LRRC4C: variants seen among roughly 807,000 people sequenced by gnomAD.
LRRC4C encodes the protein leucine rich repeat containing 4C.
Under a neutral mutation model 33.6 loss-of-function variants are expected in LRRC4C, and 5 were observed. The ratio of observed to expected loss-of-function variants is 0.15; its 90% CI spans 0.08 to 0.31. The LOEUF is 0.31. Among genes scored for constraint, LRRC4C ranks in the 10% least tolerant of loss-of-function variants. The probability of loss-of-function intolerance (pLI) is 1.00; values close to 1 mark genes in which losing one functional copy is unlikely to be tolerated. For synonymous variants in LRRC4C, 329 were observed against 302.0 expected, an observed-to-expected ratio of 1.09 and a Z score of -0.93; for missense variants, 560 against 796.7, an observed-to-expected ratio of 0.70 and a Z score of 3.58.
chr11:40,745,738 A>C (rs1948385394), intron 2 of LRRC4C, among the ~76,000 whole-genome samples: 1 of 152,196 alleles, frequency 6.6e-6, no homozygotes. Context: ...AATATTAACC[A>C]CATTTAAATT....
In LRRC4C at chr11:40,486,309, C is replaced by T. The variant is rs78324880; in HGVS notation, c.-270+161833G>A. ...ACAAAAATCAAGCCTTTAGTCCAAACTTATAGGGGAAAAAGTTAAAACATT... is the reference window on the plus strand; with the variant it reads ...ACAAAAATCAAGCCTTTAGTCCAAATTTATAGGGGAAAAAGTTAAAACATT... On this transcript the variant is annotated intron_variant, in intron 3 of 6. Transcript: ENST00000528697. 2.9e-3 allele frequency among the ~76,000 whole-genome samples: 445 copies of T among 151,836 alleles called. 1 individual carries two copies. Among genetic ancestry groups the T allele is most frequent in the African/African-American group, 0.01 (428 of 41,440 alleles).
At chr11:40,268,529 T>C (rs1942452549) in intron 4 of LRRC4C, among the ~76,000 whole-genome samples, 1 of 152,228 alleles carries the variant, frequency 6.6e-6, no homozygotes, top group East Asian at 1.9e-4. Context: ...AATGGTACTG[T>C]ATATTTAAAA....
At chr11:40,275,562 G>T (rs570009748) in intron 4 of LRRC4C, among the ~76,000 whole-genome samples, 1 of 152,178 alleles carries the variant, frequency 6.6e-6, no homozygotes, top group East Asian at 1.9e-4. Flanking sequence ...GAAACCTTGA[G>T]CTCTAAATTA....
At chr11:40,633,385 T>C (rs200085724) in intron 3 of LRRC4C, among the ~76,000 whole-genome samples, 48 of 96,142 alleles carry the variant, frequency 5.0e-4, no homozygotes, top group Admixed American at 7.7e-4. Context: ...CTCTCTTTCT[T>C]TCTTTCTTTC....
intron 1 of LRRC4C, among the ~76,000 whole-genome samples, chr11:41,343,366 G>GAAAAA (rs1951699340): frequency 6.6e-6 from 1 of 151,502 alleles, no homozygotes; most frequent in Admixed American, 6.6e-5. Flanking sequence ...TGATTAAAGA[G>GAAAAA]AAAACAAAAC....
rs147673009 is a variant in LRRC4C at position 40,512,418 on chromosome 11, C to T, written c.-270+135724G>A. On this transcript the variant is annotated intron_variant, in intron 3 of 6. Transcript: ENST00000528697. ...ACAAATGAAAAAACCAAAACCAAAA[C>T]AAAACAAAATAAAAACAATAGCTAC... Among the ~76,000 whole-genome samples, 221 of 152,110 alleles carry T rather than the reference C, an allele frequency of 1.5e-3. 1 individual carries two copies. Among genetic ancestry groups the T allele is most frequent in the African/African-American group, 5.1e-3 (212 of 41,512 alleles).
chr11:41,441,882 T>C (rs879799497), intron 1 of LRRC4C, among the ~76,000 whole-genome samples: 3 of 152,190 alleles, frequency 2.0e-5, no homozygotes, highest in South Asian at 2.1e-4. Context: ...AAGAGTTATA[T>C]TAACTGGTCC....
intron 2 of LRRC4C, among the ~76,000 whole-genome samples, chr11:40,752,229 G>A (rs189789639): frequency 3.2e-4 from 49 of 151,980 alleles, no homozygotes; most frequent in Non-Finnish European, 6.3e-4. Context: ...AGGTATAGAC[G>A]ACTGACACAA....
chr11:40,967,888 T>G (rs1851469085), intron 1 of LRRC4C, among the ~76,000 whole-genome samples: 1 of 151,844 alleles, frequency 6.6e-6, no homozygotes, highest in African/African-American at 2.4e-5. Context: ...AATATTAAAA[T>G]GAGACCAATT....
At chr11:41,315,048 T>A (rs1950747037) in intron 1 of LRRC4C, among the ~76,000 whole-genome samples, 1 of 152,164 alleles carries the variant, frequency 6.6e-6, no homozygotes. Context: ...GCTCCATATA[T>A]TCTACAAGTT....
chr11:41,034,607 GTATA>G (rs59350888), intron 1 of LRRC4C, among the ~76,000 whole-genome samples: 3,158 of 97,004 alleles, frequency 0.033, 44 homozygotes, highest in African/African-American at 0.05. Flanking sequence ...ATATGGTGAC[GTATA>G]TATATATATA....
chr11:41,197,051 T>A (rs1178265125), intron 1 of LRRC4C, among the ~76,000 whole-genome samples: 1 of 152,046 alleles, frequency 6.6e-6, no homozygotes, highest in Non-Finnish European at 1.5e-5. Context: ...ACAGAGCTAC[T>A]GGTAGGAATC....
At chr11:41,408,365 A>G (rs1954321731) in intron 1 of LRRC4C, among the ~76,000 whole-genome samples, 1 of 152,164 alleles carries the variant, frequency 6.6e-6, no homozygotes, top group Non-Finnish European at 1.5e-5. Context: ...ACCTTGAAGA[A>G]GTATGTTAGA....
chr11:40,666,683 A>G (rs1028183726), intron 2 of LRRC4C, among the ~76,000 whole-genome samples: 2 of 152,200 alleles, frequency 1.3e-5, no homozygotes, highest in African/African-American at 2.4e-5. Context: ...TACATTCAAC[A>G]TATGCACATA....
intron 1 of LRRC4C, among the ~76,000 whole-genome samples, chr11:41,456,526 G>A (rs1956176208): frequency 6.6e-6 from 1 of 152,098 alleles, no homozygotes; most frequent in African/African-American, 2.4e-5. Flanking sequence ...TCTGACTTTA[G>A]CAGAGTCCCA....
chr11:40,542,298 A>AT lies in LRRC4C; in HGVS notation c.-270+105843dup, dbSNP rs575474251. Among the ~76,000 whole-genome samples the AT allele has an allele frequency of 1.1e-4, 17 of 152,122 alleles. No individual in the cohort carries two copies. In the South Asian group the frequency reaches 1.2e-3, roughly 11 times the overall value. ...ATCATTAAAACAAGGGATAACTGTG[A>AT]TTTTTTCATGGGATTTTATGATTGG... On this transcript the variant is annotated intron_variant, in intron 3 of 6. Transcript: ENST00000528697.
At chr11:41,064,991 C>T (rs945614346) in intron 1 of LRRC4C, among the ~76,000 whole-genome samples, 12 of 152,210 alleles carry the variant, frequency 7.9e-5, no homozygotes, top group Admixed American at 7.9e-4. Context: ...GCTGTTCAGG[C>T]AGGCACTGAG....
intron 2 of LRRC4C, among the ~76,000 whole-genome samples, chr11:40,884,374 A>C (rs183404465): frequency 6.6e-6 from 1 of 152,090 alleles, no homozygotes; most frequent in Non-Finnish European, 1.5e-5. Flanking sequence ...CAATAAACAT[A>C]TGTGTGCATG....
At chr11:40,335,612 A>G (rs2136966613) in intron 3 of LRRC4C, among the ~76,000 whole-genome samples, 1 of 152,368 alleles carries the variant, frequency 6.6e-6, no homozygotes, top group East Asian at 1.9e-4. Flanking sequence ...CCAAATTCAA[A>G]TGTTCACCCA....
Sources: gnomAD v4.1 joint callset for allele counts (sites outside exome capture counted in the v4.1 genomes callset) on GRCh38, gnomAD v4.1.1 for gene constraint, MANE v1.5 for transcripts, NCBI Gene and HGNC (gene_info 2026-07-23, HGNC 2026-07-21) for gene names.